PRKDC: variants seen among roughly 807,000 people sequenced by gnomAD.
PRKDC encodes protein kinase, DNA-activated, catalytic subunit.
In PRKDC, 82 loss-of-function variants were observed where a neutral mutation model predicts 486.9. The observed-to-expected ratio is 0.17, with a 90% confidence interval of 0.14 to 0.20. PRKDC has a LOEUF of 0.20. PRKDC is among the 10% of genes least tolerant of loss of function. The probability of loss-of-function intolerance (pLI) is 1.00; values close to 1 mark genes in which losing one functional copy is unlikely to be tolerated. For synonymous variants in PRKDC, 1,895 were observed against 1,837.0 expected, an observed-to-expected ratio of 1.03 and a Z score of -0.81; for missense variants, 4,504 against 5,038.2, an observed-to-expected ratio of 0.89 and a Z score of 3.21.
intron 80 of PRKDC, among the ~76,000 whole-genome samples, chr8:47,779,851 G>A (rs181834410): frequency 1.3e-5 from 2 of 150,856 alleles, no homozygotes; most frequent in East Asian, 3.9e-4. Flanking sequence ...GCCTCCCAAA[G>A]TGCTGGGATT....
At chr8:47,858,289 G>C (rs2154500532) in intron 48 of PRKDC, among the ~76,000 whole-genome samples, 1 of 151,868 alleles carries the variant, frequency 6.6e-6, no homozygotes, top group Non-Finnish European at 1.5e-5. Flanking sequence ...ACTCACGAGA[G>C]GTGAATTTAC....
chr8:47,788,317 G>T (rs2086826882), intron 76 of PRKDC, among the ~76,000 whole-genome samples: 1 of 152,212 alleles, frequency 6.6e-6, no homozygotes, highest in Admixed American at 6.5e-5. Context: ...GGCTGCAAAG[G>T]TGTAGCAACT....
At chr8:47,793,646 A>G (rs1213824563) in intron 74 of PRKDC, among the ~76,000 whole-genome samples, 2 of 149,122 alleles carry the variant, frequency 1.3e-5, no homozygotes, top group African/African-American at 2.5e-5. Context: ...ATAAAAAATA[A>G]AGAAATAAAA....
At chr8:47,958,107 C>T (rs982040002) in intron 1 of PRKDC, among the ~76,000 whole-genome samples, 1 of 152,118 alleles carries the variant, frequency 6.6e-6, no homozygotes, top group African/African-American at 2.4e-5. Context: ...ATCACACAGG[C>T]CCTTAAAGTA....
At chr8:47,863,969 C>T (rs1287340315) in intron 41 of PRKDC, among the ~76,000 whole-genome samples, 2 of 152,206 alleles carry the variant, frequency 1.3e-5, no homozygotes, top group East Asian at 1.9e-4. Context: ...CTGAGTGATA[C>T]ATCCTGCCCT....
intron 7 of PRKDC, among the ~76,000 whole-genome samples, chr8:47,944,607 C>T (rs974526800): frequency 1.4e-4 from 21 of 151,722 alleles, no homozygotes; most frequent in East Asian, 1.9e-4. Flanking sequence ...GAAGATAAAA[C>T]AGGCACATAA....
intron 38 of PRKDC, 85 bp from the exon 39 acceptor site, chr8:47,879,743 C>CAAATAAAG: frequency 8.8e-7 from 1 of 1,131,360 alleles, no homozygotes; most frequent in Non-Finnish European, 1.2e-6. Context: ...TAAGACATTG[C>CAAATAAAG]AAATAAAGCA....
At chr8:47,855,094 T>A (rs1415083138) in intron 50 of PRKDC, 128 bp downstream of exon 50, 1 of 1,018,354 alleles carries the variant, frequency 9.8e-7, no homozygotes, top group East Asian at 2.7e-5. Context: ...GTGGTTTTAT[T>A]AGTAACAATA....
At chr8:47,959,905 G>A in intron 1 of PRKDC, 68 bp downstream of exon 1, 1 of 1,512,538 alleles carries the variant, frequency 6.6e-7, no homozygotes, top group Non-Finnish European at 8.8e-7. Flanking sequence ...GAAGCGCCGG[G>A]CTGCCCGGCT....
At chr8:47,927,471 C>A in intron 20 of PRKDC, 118 bp from the exon 21 acceptor site, 1 of 1,217,434 alleles carries the variant, frequency 8.2e-7, no homozygotes, top group Non-Finnish European at 1.1e-6. Flanking sequence ...GGATGCCCGA[C>A]ACCGCTGGAG....
In PRKDC at chr8:47,890,242, A is replaced by G. The variant is rs1455703540; in HGVS notation, c.4071+15T>C. 7 of 1,583,886 alleles carry G rather than the reference A, an allele frequency of 4.4e-6. No individual in the cohort carries two copies. Among genetic ancestry groups the G allele is most frequent in the Middle Eastern group, 2.2e-4 (1 of 4,450 alleles). On this transcript the variant is annotated intron_variant, in intron 32 of 85. Coordinates refer to ENST00000314191, the MANE Select transcript of PRKDC (RefSeq NM_006904.7). Reference sequence around the variant, plus strand: ...CAGTACCAAAAACTGACCTCAAATTAACAGAGCAGCCTACCTTCCATCCTT... The same window carrying G: ...CAGTACCAAAAACTGACCTCAAATTGACAGAGCAGCCTACCTTCCATCCTT...
intron 74 of PRKDC, 96 bp downstream of exon 74, chr8:47,794,191 TTAA>T: frequency 1.0e-6 from 1 of 965,600 alleles, no homozygotes. Flanking sequence ...ACAACTCTAA[TTAA>T]TTTGAAAACA....
intron 49 of PRKDC, among the ~76,000 whole-genome samples, chr8:47,856,052 G>A (rs770890938): frequency 4.6e-5 from 7 of 152,044 alleles, no homozygotes; most frequent in African/African-American, 7.3e-5. Flanking sequence ...CTCTTTCAAC[G>A]GACCCTTGTT....
At chr8:47,906,473 A>G (rs1217957604) in intron 25 of PRKDC, among the ~76,000 whole-genome samples, 2 of 148,964 alleles carry the variant, frequency 1.3e-5, no homozygotes, top group Non-Finnish European at 2.9e-5. Context: ...TTCACTAATA[A>G]AAATCCAAAA....
chr8:47,852,572 G>C, intron 52 of PRKDC, 101 bp downstream of exon 52: 1 of 650,600 alleles, frequency 1.5e-6, no homozygotes, highest in Non-Finnish European at 2.4e-6. Context: ...TGCCCATTTT[G>C]TTTCTAATAC....
chr8:47,839,037 G>T, intron 56 of PRKDC, 111 bp downstream of exon 56: 1 of 787,798 alleles, frequency 1.3e-6, no homozygotes. Context: ...AGAAAGCAGA[G>T]AAAATGCTAA....
At chr8:47,885,628 C>T (rs950039312) in intron 36 of PRKDC, among the ~76,000 whole-genome samples, 2 of 152,110 alleles carry the variant, frequency 1.3e-5, no homozygotes, top group South Asian at 2.1e-4. Context: ...TGCAGTGGCT[C>T]ACGCCTGTAA....
At chr8:47,840,359 TAAG>T (rs780765056) in intron 54 of PRKDC, among the ~76,000 whole-genome samples, 170 bp from the exon 55 acceptor site, 1 of 152,196 alleles carries the variant, frequency 6.6e-6, no homozygotes, top group Non-Finnish European at 1.5e-5. Flanking sequence ...TTATCAAATA[TAAG>T]ACAAATTACT....
intron 68 of PRKDC, among the ~76,000 whole-genome samples, chr8:47,815,392 C>A (rs1238039166): frequency 1.3e-5 from 2 of 152,180 alleles, no homozygotes; most frequent in Admixed American, 1.3e-4. Flanking sequence ...TAAACACCTA[C>A]CCCTACCTCA....
Sources: gnomAD v4.1 joint callset for allele counts (sites outside exome capture counted in the v4.1 genomes callset) on GRCh38, gnomAD v4.1.1 for gene constraint, MANE v1.5 for transcripts, NCBI Gene and HGNC (gene_info 2026-07-23, HGNC 2026-07-21) for gene names.